Variants in C1orf185 observed in about 807,000 individuals in gnomAD.
C1orf185 encodes the protein chromosome 1 open reading frame 185.
Under a neutral mutation model 16.1 loss-of-function variants are expected in C1orf185, and 13 were observed. The ratio of observed to expected loss-of-function variants is 0.81; its 90% CI spans 0.53 to 1.28. The LOEUF (loss-of-function observed/expected upper bound fraction) is 1.28, where lower values mean the gene tolerates loss of function less well. C1orf185 is among the 50% of genes most tolerant of loss of function. C1orf185 has a pLI of 0.00. For missense variants in C1orf185, 220 were observed against 225.2 expected, an observed-to-expected ratio of 0.98 and a Z score of 0.15; for synonymous variants, 80 against 76.9, an observed-to-expected ratio of 1.04 and a Z score of -0.21.
rs753965356 is a variant in C1orf185, at chr1:51,118,810, TA to T, written c.258+11del. Reference sequence around the variant, plus strand: ...GGAGATTCCAATTACAGGTAGGGTGTAATATTTTATAGTAATCTTTTCAAAT... The same window carrying T: ...GGAGATTCCAATTACAGGTAGGGTGTATATTTTATAGTAATCTTTTCAAAT... On this transcript the variant is annotated intron_variant, in intron 3 of 4. Transcript: ENST00000371759. 2.5e-5 allele frequency: 35 copies of T among 1,404,160 alleles called. No individual in the cohort carries two copies. Among genetic ancestry groups the T allele is most frequent in the South Asian group, 6.6e-5 (4 of 60,870 alleles). 87.0% of individuals were successfully genotyped at this position (1,404,160 alleles called of 1,614,324 possible). A position where few individuals can be genotyped will look rare whatever the true frequency, so the allele number is the denominator to read the frequency against.
chr1:51,140,637 T>G (rs557942971), intron 3 of C1orf185, among the ~76,000 whole-genome samples: 15 of 152,306 alleles, frequency 9.8e-5, no homozygotes, highest in Non-Finnish European at 1.8e-4. Context: ...TTTTTAGCTA[T>G]GAATGCAAAT....
At chr1:51,151,858 T>C (rs905860072), downstream of C1orf185, among the ~76,000 whole-genome samples, 2 of 151,722 alleles carry the variant, frequency 1.3e-5, no homozygotes, top group Admixed American at 6.6e-5. Flanking sequence ...CTGGATAATT[T>C]TTTTGTATTT....
Sources: allele counts gnomAD v4.1 joint callset (sites outside exome capture counted in the v4.1 genomes callset), GRCh38; gene constraint gnomAD v4.1.1; transcripts MANE v1.5; gene names NCBI Gene and HGNC (gene_info 2026-07-23, HGNC 2026-07-21).